C5: variants seen among roughly 807,000 people sequenced by gnomAD.
C5 encodes the protein C3 and PZP-like alpha-2-macroglobulin domain-containing protein 4.
C5 carries 140 observed loss-of-function variants against 218.8 expected under a neutral mutation model. The ratio of observed to expected loss-of-function variants is 0.64; its 90% CI spans 0.56 to 0.74. The LOEUF is 0.74. C5 is among the 30% of genes least tolerant of loss of function. The pLI is 0.00. For synonymous variants in C5, 614 were observed against 682.3 expected (o/e 0.90, Z 1.56); for missense variants, 1,700 against 1,969.6 (o/e 0.86, Z 2.59).
intron 25 of C5, among the ~76,000 whole-genome samples, chr9:120,984,616 C>T (rs541892064): frequency 1.0e-3 from 158 of 151,390 alleles, no homozygotes; most frequent in African/African-American, 3.4e-3. Flanking sequence ...ATAGAAACAA[C>T]GGACTCATCC....
In C5 at chr9:120,969,084, G is replaced by C; in HGVS notation, c.4197C>G (p.Tyr1399Ter). The C allele has an allele frequency of 6.2e-7, 1 of 1,613,988 alleles. No homozygotes were observed. Among genetic ancestry groups the C allele is most frequent in the South Asian group, 1.1e-5 (1 of 91,084 alleles). The part of the protein sequence containing the change: ...SHYRGYGNSD[Y>*]KRIVACASYK... ...ACCTGGCACATGCTACTATGCGTTT[G>C]TAATCAGAGTTTCCGTAGCCTCTGT... The change falls in exon 33 of 41, where the codon TAC (tyrosine) becomes TAG (stop). Residue 1399 changes from tyrosine (Y) to a stop codon, truncating the protein, a stop_gained. Coordinates refer to ENST00000223642, the MANE Select transcript of C5 (RefSeq NM_001735.3). LOFTEE classifies it high-confidence loss of function.
At chr9:120,969,472 C>T (rs1276877474) in intron 32 of C5, among the ~76,000 whole-genome samples, 1 of 152,172 alleles carries the variant, frequency 6.6e-6, no homozygotes, top group Non-Finnish European at 1.5e-5. Flanking sequence ...TAGGAACAGG[C>T]TTCTGAGCAA....
intron 26 of C5, 70 bp downstream of exon 26, chr9:120,982,585 C>T (rs2047003046): frequency 1.7e-6 from 2 of 1,211,378 alleles, no homozygotes; most frequent in South Asian, 1.3e-5. Flanking sequence ...CTTCATCCTC[C>T]CATAATCAGA....
At position 121,017,387 on chromosome 9, in the gene C5, C is replaced by T. The variant is rs2047316399; in HGVS notation, c.1841G>A (p.Arg614Lys). ...TCTTTCCAAGGGCTTTTTGGCTCCTCTTTGGACTCCATACACAGCACTGTC... is the reference window on the plus strand; with the variant it reads ...TCTTTCCAAGGGCTTTTTGGCTCCTTTTTGGACTCCATACACAGCACTGTC... ...AVDSAVYGVQ[R>K]GAKKPLERVF... The change falls in exon 14 of 41, where the codon AGA becomes AAA. Residue 614 changes from arginine to lysine, a missense_variant. Physicochemically the swap from Arg to Lys is conservative, Grantham distance 26 (BLOSUM62 2). Transcript: ENST00000223642. The T allele has an allele frequency of 6.2e-7, 1 of 1,613,922 alleles. No individual in the cohort carries two copies. The highest frequency in any genetic ancestry group is 8.5e-7 in the Non-Finnish European group (1 of 1,179,956).
intron 27 of C5, 26 bp from the exon 28 acceptor site, chr9:120,980,280 T>C: frequency 2.5e-6 from 4 of 1,609,036 alleles, no homozygotes; most frequent in Non-Finnish European, 3.4e-6. Context: ...GATACTTCAG[T>C]TTCTATGTCA....
chr9:121,046,272 A>G lies in C5; in HGVS notation c.177T>C (p.Tyr59=), dbSNP rs2047626612. ...AGGAGTAACTAAATTTTTTATCAGG[A>G]TAACTTTTAATAGAGATTGTTGCAT... ...AFDATISIKS[Y]PDKKFSYSSG... is the part of the protein sequence containing the mutation. Residue 59 remains tyrosine (Y), a synonymous_variant, in exon 2 of 41, where the codon TAT becomes TAC. Transcript: ENST00000223642. 3.1e-6 allele frequency: 5 copies of G among 1,607,196 alleles called. No individual in the cohort carries two copies. The highest frequency in any genetic ancestry group is 1.7e-5 in the Admixed American group (1 of 59,926).
intron 33 of C5, among the ~76,000 whole-genome samples, chr9:120,968,459 T>C (rs1217056995): frequency 1.3e-5 from 2 of 152,138 alleles, no homozygotes; most frequent in East Asian, 3.8e-4. Flanking sequence ...AATTGCAAGA[T>C]AGTAAAACTG....
Position 120,997,672 on chromosome 9 carries a change from C to G in C5, c.2665G>C (p.Glu889Gln). 1 of 1,614,172 alleles carries G rather than the reference C, an allele frequency of 6.2e-7. No individual in the cohort carries two copies. Among genetic ancestry groups the G allele is most frequent in the Non-Finnish European group, 8.5e-7 (1 of 1,180,010 alleles). ...GTCACCAAGTGACTGGAGGAGCCCT[C>G]TACTTTCTGGCGCACACATTTGGAG... Reference protein sequence around the residue: ...KSSKCVRQKVEGSSSHLVTFT... With the variant: ...KSSKCVRQKVQGSSSHLVTFT... The change falls in exon 21 of 41, where the codon GAG (glutamate) becomes CAG (glutamine). Residue 889 changes from glutamate (E) to glutamine (Q), a missense_variant. Physicochemically the swap from Glu to Gln is conservative, Grantham distance 29 (BLOSUM62 2). Coordinates refer to ENST00000223642, the MANE Select transcript of C5 (RefSeq NM_001735.3).
chr9:120,966,730 G>A (rs1329075373), intron 33 of C5, among the ~76,000 whole-genome samples: 1 of 152,180 alleles, frequency 6.6e-6, no homozygotes, highest in Admixed American at 6.5e-5. Flanking sequence ...AGACATTAGG[G>A]AATGAGGAAA....
chr9:120,961,073 T>C (rs10818491), intron 37 of C5, among the ~76,000 whole-genome samples: 67,689 of 152,074 alleles, frequency 0.45, 17,901 homozygotes, highest in South Asian at 0.69. Flanking sequence ...GAAGGCTTTC[T>C]TCAATTTAGG....
rs113419504 is a variant in C5, at chr9:121,046,381, T to C, written c.68A>G (p.Tyr23Cys). The change falls in exon 2 of 41, where the codon TAT (tyrosine) becomes TGT (cysteine). Residue 23 changes from tyrosine (Y) to cysteine (C), a missense_variant and splice_region_variant. Transcript: ENST00000223642. ...LGKTWGQEQT[Y>C]VISAPKIFRV... ...GAATATTTTTGGTGCTGAAATGACA[T>C]ATCTGTTGAAAAAGGAAAAGATAAG... The C allele has an allele frequency of 1.9e-6, 3 of 1,608,678 alleles. No homozygotes were observed. In the African/African-American group the frequency reaches 4.0e-5, roughly 22 times the overall value.
At chr9:121,005,730 C>T (rs1229356740) in intron 20 of C5, among the ~76,000 whole-genome samples, 189 bp downstream of exon 20, 3 of 152,060 alleles carry the variant, frequency 2.0e-5, no homozygotes, top group African/African-American at 7.2e-5. Flanking sequence ...CCTACTTGTC[C>T]TTCCTCCTTC....
At chr9:120,982,563 T>C (rs1053297502) in intron 26 of C5, 92 bp downstream of exon 26, 19 of 1,054,370 alleles carry the variant, frequency 1.8e-5, no homozygotes, top group East Asian at 7.2e-5. Context: ...ATTACATTTT[T>C]TTCTTCTTCT....
chr9:120,968,925 A>G (rs2046889019), intron 33 of C5, 136 bp downstream of exon 33: 4 of 754,428 alleles, frequency 5.3e-6, no homozygotes, highest in Non-Finnish European at 9.5e-6. Flanking sequence ...AAGAATATAT[A>G]TGTTCTGCAT....
intron 1 of C5, among the ~76,000 whole-genome samples, chr9:121,047,817 A>G (rs1055143333): frequency 6.6e-6 from 1 of 152,152 alleles, no homozygotes; most frequent in Non-Finnish European, 1.5e-5. Flanking sequence ...CCTTCCCCAC[A>G]TGCCTAGTAG....
At chr9:120,996,132 A>G in intron 22 of C5, 108 bp downstream of exon 22, 1 of 906,950 alleles carries the variant, frequency 1.1e-6, no homozygotes, top group Non-Finnish European at 1.8e-6. Context: ...AGTGGATACT[A>G]CTGATTTTAG....
intron 20 of C5, among the ~76,000 whole-genome samples, chr9:121,000,449 T>C (rs1028006054): frequency 1.3e-5 from 2 of 152,194 alleles, no homozygotes; most frequent in Non-Finnish European, 2.9e-5. Flanking sequence ...GTGATACTGA[T>C]GTAAACAAAA....
chr9:120,952,858 G>A lies in C5; in HGVS notation c.4912C>T (p.Pro1638Ser), dbSNP rs371917232. 50 of 1,613,742 alleles carry A rather than the reference G, an allele frequency of 3.1e-5. 1 individual carries two copies. In the Middle Eastern group the frequency reaches 5.0e-4, roughly 16 times the overall value. ...TCAATCCAGGTCAAGGAATCTAAAG[G>A]GTAGATGTACCTACCAAGAAACAAA... ...KYNFSFRYIY[P>S]LDSLTWIEYW... The change falls in exon 41 of 41, where the codon CCT (proline) becomes TCT (serine). Residue 1638 changes from proline to serine, a missense_variant. Physicochemically the swap from Pro to Ser is moderately conservative, Grantham distance 74. Coordinates refer to ENST00000223642, the MANE Select transcript of C5 (RefSeq NM_001735.3).
At chr9:120,955,587 T>A (rs903938568) in intron 39 of C5, among the ~76,000 whole-genome samples, 2 of 152,142 alleles carry the variant, frequency 1.3e-5, no homozygotes, top group African/African-American at 4.8e-5. Context: ...AAACACTTAT[T>A]TCATTAGAAT....
Sources: allele counts gnomAD v4.1 joint callset (sites outside exome capture counted in the v4.1 genomes callset), GRCh38; gene constraint gnomAD v4.1.1; transcripts MANE v1.5; gene names NCBI Gene and HGNC (gene_info 2026-07-23, HGNC 2026-07-21).